CSMD1: variants seen among roughly 807,000 people sequenced by gnomAD.
CSMD1 encodes the protein CUB and sushi domain-containing protein 1.
Under a neutral mutation model 417.5 loss-of-function variants are expected in CSMD1, and 213 were observed. The ratio of observed to expected loss-of-function variants is 0.51; its 90% confidence interval spans 0.46 to 0.57. CSMD1 has a LOEUF of 0.57. Ranked by LOEUF, CSMD1 falls within the 20% of genes least tolerant of loss-of-function variation. CSMD1 has a pLI of 0.00. For synonymous variants in CSMD1, 2,862 were observed against 1,736.8 expected (o/e 1.65, Z -16.11); for missense variants, 6,923 against 4,529.7 (o/e 1.53, Z -15.17).
intron 26 of CSMD1, among the ~76,000 whole-genome samples, chr8:3,262,227 A>G (rs1464806601): frequency 7.8e-6 from 1 of 127,420 alleles, no homozygotes; most frequent in African/African-American, 3.2e-5. Flanking sequence ...ATATATATAT[A>G]TATACACACA....
At chr8:3,831,688 T>C (rs1585060152) in intron 5 of CSMD1, among the ~76,000 whole-genome samples, 1 of 152,176 alleles carries the variant, frequency 6.6e-6, no homozygotes. Flanking sequence ...AAAGGATATA[T>C]GTTTGGAATG....
intron 2 of CSMD1, among the ~76,000 whole-genome samples, chr8:4,452,930 A>C (rs1799237409): frequency 6.6e-6 from 1 of 152,166 alleles, no homozygotes; most frequent in Non-Finnish European, 1.5e-5. Context: ...CAGCCTTTTT[A>C]TTTTAGTTAA....
chr8:4,285,374 C>G (rs1399832883), intron 3 of CSMD1, among the ~76,000 whole-genome samples: 1 of 152,096 alleles, frequency 6.6e-6, no homozygotes, highest in African/African-American at 2.4e-5. Flanking sequence ...CCTTTCTATT[C>G]TAGAGGGAAA....
chr8:4,322,912 G>C lies in CSMD1; in HGVS notation c.415+97041C>G, dbSNP rs560943995. Among the ~76,000 whole-genome samples, 31 of 152,310 alleles carry C rather than the reference G, an allele frequency of 2.0e-4. No homozygotes were observed. In the East Asian group the frequency reaches 6.0e-3, roughly 29 times the overall value. Reference sequence around the variant, plus strand: ...AGGCAGGAGAATCGCTTGAACCCTGGAGGTGGAGGTTGCAGTGAGCCTAGA... The same window carrying C: ...AGGCAGGAGAATCGCTTGAACCCTGCAGGTGGAGGTTGCAGTGAGCCTAGA... On this transcript the variant is annotated intron_variant, in intron 3 of 69. Coordinates refer to ENST00000635120, the MANE Select transcript of CSMD1 (RefSeq NM_033225.6).
chr8:3,502,850 C>T (rs1276797509), intron 10 of CSMD1, among the ~76,000 whole-genome samples: 1 of 152,098 alleles, frequency 6.6e-6, no homozygotes, highest in African/African-American at 2.4e-5. Flanking sequence ...CTAACGTGCA[C>T]TATGGACTTT....
intron 2 of CSMD1, among the ~76,000 whole-genome samples, chr8:4,560,328 C>T (rs1024781294): frequency 3.3e-5 from 5 of 152,200 alleles, no homozygotes; most frequent in East Asian, 1.9e-4. Context: ...GGATACAGCA[C>T]GTGGTCTCCT....
chr8:3,206,954 G>A lies in CSMD1; in HGVS notation c.4868-1334C>T, dbSNP rs112884812. 3.3e-3 allele frequency among the ~76,000 whole-genome samples: 497 copies of A among 151,924 alleles called. 6 individuals carry two copies. The highest frequency in any genetic ancestry group is 0.011 in the African/African-American group (465 of 41,394). On this transcript the variant is annotated intron_variant, in intron 30 of 69. Transcript: ENST00000635120. ...AGCTCCCCTCATCTGTTTAACATAG[G>A]GCAATGACCAGCGTGGGAGCCACTC...
intron 26 of CSMD1, among the ~76,000 whole-genome samples, chr8:3,276,333 T>C (rs1047275729): frequency 1.3e-5 from 2 of 152,144 alleles, no homozygotes; most frequent in Non-Finnish European, 2.9e-5. Flanking sequence ...AAAGCTCAGA[T>C]GGAAATGCAG....
intron 6 of CSMD1, among the ~76,000 whole-genome samples, chr8:3,732,727 C>G (rs1198151994): frequency 6.6e-6 from 1 of 152,116 alleles, no homozygotes; most frequent in African/African-American, 2.4e-5. Flanking sequence ...TGAACTGAAC[C>G]TTCAAGAGTA....
chr8:3,263,616 A>G (rs1017818833), intron 26 of CSMD1, among the ~76,000 whole-genome samples: 6 of 152,240 alleles, frequency 3.9e-5, no homozygotes, highest in Non-Finnish European at 7.3e-5. Context: ...GTATGAAATT[A>G]TATTTTTGAG....
At position 4,629,196 on chromosome 8, in the gene CSMD1, A is replaced by C. The variant is rs1003976573; in HGVS notation, c.302+8146T>G. Among the ~76,000 whole-genome samples, 31 of 152,322 alleles carry C rather than the reference A, an allele frequency of 2.0e-4. 1 individual carries two copies. The highest frequency in any genetic ancestry group is 7.2e-4 in the African/African-American group (30 of 41,580). On this transcript the variant is annotated intron_variant, in intron 2 of 69. Transcript: ENST00000635120. ...TTTGTAGAATACATTCTTAGCTAGAATTTCTGAATGAAAAGTTTGTACTTT... is the reference window on the plus strand; with the variant it reads ...TTTGTAGAATACATTCTTAGCTAGACTTTCTGAATGAAAAGTTTGTACTTT...
intron 5 of CSMD1, among the ~76,000 whole-genome samples, chr8:3,955,427 C>A (rs1225067411): frequency 6.6e-6 from 1 of 152,130 alleles, no homozygotes; most frequent in Non-Finnish European, 1.5e-5. Flanking sequence ...CACAGGTCAA[C>A]AAATAAACCA....
At chr8:4,694,482 G>C (rs943105813) in intron 1 of CSMD1, among the ~76,000 whole-genome samples, 5 of 151,934 alleles carry the variant, frequency 3.3e-5, no homozygotes, top group Admixed American at 1.3e-4. Flanking sequence ...CTTCCAAGTA[G>C]CTGGGGCTAT....
chr8:3,782,956 A>G (rs1318227406), intron 5 of CSMD1, among the ~76,000 whole-genome samples: 1 of 152,212 alleles, frequency 6.6e-6, no homozygotes, highest in East Asian at 1.9e-4. Flanking sequence ...CCTCTAAACC[A>G]AATTGTAGGT....
At chr8:3,365,953 T>G (rs1398810445) in intron 20 of CSMD1, among the ~76,000 whole-genome samples, 1 of 152,216 alleles carries the variant, frequency 6.6e-6, no homozygotes, top group African/African-American at 2.4e-5. Flanking sequence ...TCTACCAAGA[T>G]CTTCAGTTTT....
At chr8:4,343,440 T>C (rs1800595330) in intron 3 of CSMD1, among the ~76,000 whole-genome samples, 1 of 152,108 alleles carries the variant, frequency 6.6e-6, no homozygotes, top group Non-Finnish European at 1.5e-5. Context: ...AAATGGTCAC[T>C]ATGTGTGGTG....
At chr8:4,129,971 C>A (rs1270134543) in intron 3 of CSMD1, among the ~76,000 whole-genome samples, 1 of 151,886 alleles carries the variant, frequency 6.6e-6, no homozygotes, top group Non-Finnish European at 1.5e-5. Flanking sequence ...AGTTTCTTCC[C>A]AGTTGCTTTA....
chr8:4,119,926 G>A lies in CSMD1; in HGVS notation c.416-87827C>T, dbSNP rs190443892. On this transcript the variant is annotated intron_variant, in intron 3 of 69. Transcript: ENST00000635120. ...TGGTAAGGGTAGTGGGAGGGTGAGA[G>A]GAGCTGGGGATGGTTAATAGGTATC... 7.5e-5 allele frequency among the ~76,000 whole-genome samples: 11 copies of A among 146,550 alleles called. No homozygotes were observed. In the East Asian group the frequency reaches 2.2e-3, roughly 30 times the overall value.
chr8:3,108,015 T>C (rs913019180), intron 44 of CSMD1, among the ~76,000 whole-genome samples: 11 of 152,154 alleles, frequency 7.2e-5, no homozygotes, highest in African/African-American at 1.7e-4. Flanking sequence ...GAAAAAAGTG[T>C]ACAATTATTT....
Sources: gnomAD v4.1 joint callset for allele counts (sites outside exome capture counted in the v4.1 genomes callset) on GRCh38, gnomAD v4.1.1 for gene constraint, MANE v1.5 for transcripts, NCBI Gene and HGNC (gene_info 2026-07-23, HGNC 2026-07-21) for gene names.